The following AGBL4 variants were observed in gnomAD, a reference collection of about 807,000 sequenced individuals.
AGBL4 encodes cytosolic carboxypeptidase 6.
A neutral mutation model predicts 66.4 loss-of-function variants in AGBL4; 58 were observed. The observed-to-expected ratio is 0.87, with a 90% CI of 0.71 to 1.09. The LOEUF (loss-of-function observed/expected upper bound fraction) is 1.09. Ranked by LOEUF, AGBL4 falls within the 50% of genes least tolerant of loss-of-function variation. AGBL4 has a pLI of 0.00. For missense variants in AGBL4, 579 were observed against 631.0 expected (o/e 0.92, Z 0.88); for synonymous variants, 234 against 222.9 (o/e 1.05, Z -0.44).
At chr1:49,891,060 A>G (rs1648594236) in intron 1 of AGBL4, among the ~76,000 whole-genome samples, 4 of 152,154 alleles carry the variant, frequency 2.6e-5, no homozygotes, top group Admixed American at 2.6e-4. Flanking sequence ...AAGAAATGAC[A>G]TTTTATTTGA....
rs1646331653 is a variant in AGBL4, at chr1:48,674,483, C to A, written c.635-11242G>T. ...AAGCCGTCGTTCACTCACAGAGAGG[C>A]CACAGAATGCTGTAGGTGGGCTGGG... On this transcript the variant is annotated intron_variant, in intron 6 of 13. Coordinates refer to ENST00000371839, the MANE Select transcript of AGBL4 (RefSeq NM_032785.4). Among the ~76,000 whole-genome samples, 3 of 149,004 alleles carry A rather than the reference C, an allele frequency of 2.0e-5. No homozygotes were observed. The Admixed American group carries it at 2.0e-4, about 10-fold the overall frequency.
At chr1:48,578,968 A>G (rs1242007707) in intron 11 of AGBL4, among the ~76,000 whole-genome samples, 1 of 151,948 alleles carries the variant, frequency 6.6e-6, no homozygotes, top group African/African-American at 2.4e-5. Context: ...CACCAAGAAA[A>G]TCTTTTCTTC....
intron 6 of AGBL4, among the ~76,000 whole-genome samples, chr1:48,859,822 T>C (rs530351470): frequency 6.6e-6 from 1 of 152,332 alleles, no homozygotes; most frequent in Admixed American, 6.5e-5. Flanking sequence ...TAGTTAGAGA[T>C]ATAGACCAAA....
chr1:49,686,323 C>T (rs1276380390), intron 3 of AGBL4, among the ~76,000 whole-genome samples: 1 of 152,130 alleles, frequency 6.6e-6, no homozygotes, highest in African/African-American at 2.4e-5. Context: ...GGGAACACCT[C>T]GGCTCCTCCA....
chr1:49,884,217 C>G (rs2148150992), intron 1 of AGBL4, among the ~76,000 whole-genome samples: 1 of 152,006 alleles, frequency 6.6e-6, no homozygotes, highest in Admixed American at 6.6e-5. Flanking sequence ...CCACCTACTT[C>G]AGATACATAC....
At chr1:49,930,225 A>C (rs751172075) in intron 1 of AGBL4, among the ~76,000 whole-genome samples, 14 of 152,142 alleles carry the variant, frequency 9.2e-5, no homozygotes, top group Non-Finnish European at 1.6e-4. Context: ...TAAAATTGAT[A>C]AATTCCTTGA....
intron 3 of AGBL4, among the ~76,000 whole-genome samples, chr1:49,323,014 A>T (rs1645157903): frequency 6.6e-6 from 1 of 152,166 alleles, no homozygotes; most frequent in Admixed American, 6.5e-5. Context: ...ATGAATTTTT[A>T]ACTTGGATTA....
intron 2 of AGBL4, among the ~76,000 whole-genome samples, chr1:49,738,666 G>C (rs1359479191): frequency 6.6e-6 from 1 of 152,218 alleles, no homozygotes; most frequent in East Asian, 1.9e-4. Context: ...AGTAGGGGCA[G>C]ACTGACACCT....
intron 5 of AGBL4, among the ~76,000 whole-genome samples, chr1:48,880,277 C>G (rs1649652616): frequency 6.6e-6 from 1 of 152,162 alleles, no homozygotes; most frequent in Non-Finnish European, 1.5e-5. Flanking sequence ...TTATCCAGGT[C>G]ACTGCGAATG....
chr1:49,957,418 A>G (rs891944267), intron 1 of AGBL4, among the ~76,000 whole-genome samples: 2 of 151,630 alleles, frequency 1.3e-5, no homozygotes, highest in African/African-American at 4.8e-5. Flanking sequence ...TATCCTTGTT[A>G]ACTTTCTGTC....
At chr1:48,754,776 T>C (rs978756162) in intron 6 of AGBL4, among the ~76,000 whole-genome samples, 1 of 152,088 alleles carries the variant, frequency 6.6e-6, no homozygotes, top group African/African-American at 2.4e-5. Flanking sequence ...CAGAGAGAGA[T>C]GATATCCTTT....
chr1:48,749,012 A>G (rs948236465), intron 6 of AGBL4, among the ~76,000 whole-genome samples: 1 of 152,048 alleles, frequency 6.6e-6, no homozygotes, highest in African/African-American at 2.4e-5. Context: ...AGAGCAGCAG[A>G]GTTGAAATGG....
rs984938282 is a variant in AGBL4 at position 49,606,269 on chromosome 1, T to C, written c.282+91044A>G. On this transcript the variant is annotated intron_variant, in intron 3 of 13. Coordinates refer to ENST00000371839, the MANE Select transcript of AGBL4 (RefSeq NM_032785.4). Reference sequence around the variant, plus strand: ...GGCGAGAGCTGCTGGGTCAGGGGAATCATGAAAAATTCATAGCAGAGGTGG... The same window carrying C: ...GGCGAGAGCTGCTGGGTCAGGGGAACCATGAAAAATTCATAGCAGAGGTGG... Among the ~76,000 whole-genome samples the C allele has an allele frequency of 3.3e-5, 5 of 152,160 alleles. No individual in the cohort carries two copies. The East Asian group carries it at 9.7e-4, about 29-fold the overall frequency.
intron 5 of AGBL4, among the ~76,000 whole-genome samples, chr1:48,963,759 A>G (rs957582997): frequency 2.2e-4 from 34 of 152,180 alleles, no homozygotes; most frequent in Non-Finnish European, 4.4e-4. Flanking sequence ...TTGAGGCTTG[A>G]GCAACAGATT....
chr1:49,856,933 T>C (rs1646448596), intron 1 of AGBL4, among the ~76,000 whole-genome samples: 1 of 151,984 alleles, frequency 6.6e-6, no homozygotes, highest in African/African-American at 2.4e-5. Context: ...GGAAGCCAAA[T>C]TATCCTTGTT....
chr1:49,996,006 G>T (rs906621133), intron 1 of AGBL4: 1 of 152,250 alleles, frequency 6.6e-6, no homozygotes, highest in Non-Finnish European at 1.5e-5. Flanking sequence ...ATCCCTAGGG[G>T]AAGAGGGAGA....
intron 3 of AGBL4, among the ~76,000 whole-genome samples, chr1:49,446,149 C>A (rs1469787823): frequency 6.6e-6 from 1 of 152,164 alleles, no homozygotes; most frequent in Non-Finnish European, 1.5e-5. Context: ...CCATGCCCAG[C>A]CCATATTTTA....
At chr1:49,722,520 T>A (rs375661080) in intron 2 of AGBL4, among the ~76,000 whole-genome samples, 1 of 152,182 alleles carries the variant, frequency 6.6e-6, no homozygotes, top group African/African-American at 2.4e-5. Flanking sequence ...ATTAAATGCA[T>A]GATGAATAAT....
intron 1 of AGBL4, among the ~76,000 whole-genome samples, chr1:49,863,485 G>A (rs1203204965): frequency 6.6e-6 from 1 of 152,162 alleles, no homozygotes; most frequent in African/African-American, 2.4e-5. Flanking sequence ...AATCAACAAA[G>A]TGAAGAGACA....
Sources: gnomAD v4.1 joint callset for allele counts (sites outside exome capture counted in the v4.1 genomes callset) on GRCh38, gnomAD v4.1.1 for gene constraint, MANE v1.5 for transcripts, NCBI Gene and HGNC (gene_info 2026-07-23, HGNC 2026-07-21) for gene names.